NLRP2: variants seen among roughly 807,000 people sequenced by gnomAD.
The protein encoded by NLRP2 is NACHT, LRR and PYD domains-containing protein 2.
A neutral mutation model predicts 97.2 loss-of-function variants in NLRP2; 107 were observed. The ratio of observed to expected loss-of-function variants is 1.10; its 90% CI spans 0.94 to 1.29. The LOEUF (loss-of-function observed/expected upper bound fraction) is 1.29. Among genes scored for constraint, NLRP2 ranks in the 50% most tolerant of loss-of-function variants. The pLI is 0.00. For missense variants in NLRP2, 1,495 were observed against 1,330.3 expected (o/e 1.12, Z -1.93); for synonymous variants, 663 against 551.5 (o/e 1.20, Z -2.83).
At chr19:54,987,228 C>G (rs2146480167) in intron 8 of NLRP2, among the ~76,000 whole-genome samples, 1 of 149,728 alleles carries the variant, frequency 6.7e-6, no homozygotes, top group Middle Eastern at 3.4e-3. Context: ...AGATCATTCA[C>G]TCATGGTTCA....
In NLRP2 at chr19:54,982,319, C is replaced by G. The variant is rs139279089; in HGVS notation, c.621C>G (p.Tyr207Ter). ...NPRVLPGPFS[Y>*]TVVLYGPAGL... Reference sequence around the variant, plus strand: ...GGGTGCTTCCCGGGCCCTTCTCATACACGGTGGTGCTGTATGGTCCTGCAG... The same window carrying G: ...GGGTGCTTCCCGGGCCCTTCTCATAGACGGTGGTGCTGTATGGTCCTGCAG... The change falls in exon 6 of 13, where the codon TAC becomes TAG. Residue 207 changes from tyrosine (Y) to a stop codon, truncating the protein, a stop_gained. Coordinates refer to ENST00000448584, the MANE Select transcript of NLRP2 (RefSeq NM_017852.5). LOFTEE classifies it high-confidence loss of function. 6 of 1,614,026 alleles carry G rather than the reference C, an allele frequency of 3.7e-6. No individual in the cohort carries two copies. The African/African-American group carries it at 8.0e-5, about 22-fold the overall frequency.
chr19:54,969,978 C>T, intron 1 of NLRP2, 21 bp from the exon 2 acceptor site: 2 of 1,611,496 alleles, frequency 1.2e-6, no homozygotes, highest in Non-Finnish European at 1.7e-6. Context: ...CTCTCCACTC[C>T]TCCCTTGATT....
intron 1 of NLRP2, among the ~76,000 whole-genome samples, chr19:54,969,544 A>G (rs1232008013): frequency 1.3e-5 from 2 of 152,054 alleles, no homozygotes; most frequent in African/African-American, 4.8e-5. Flanking sequence ...AATCCCAGCT[A>G]GTCGGGAGGC....
intron 9 of NLRP2, 44 bp from the exon 10 acceptor site, chr19:54,990,458 A>AG (rs2072394841): frequency 1.2e-6 from 2 of 1,602,250 alleles, no homozygotes; most frequent in African/African-American, 2.7e-5. Context: ...GGAAGGTTGA[A>AG]GTTGGACCTG....
At position 54,977,812 on chromosome 19, in the gene NLRP2, C is replaced by T; in HGVS notation, c.386C>T (p.Thr129Ile). The T allele has an allele frequency of 6.2e-7, 1 of 1,613,746 alleles. No homozygotes were observed. ...GACGAAATGCTGGAGCGCTTCAAAA[C>T]AGAAGCACAAGGTGGGTGTCAGGAC... is the stretch of plus-strand genomic sequence containing the variant. Reference protein sequence around the residue: ...DVDEMLERFKTEAQAFTETKG... With the variant: ...DVDEMLERFKIEAQAFTETKG... Residue 129 changes from threonine to isoleucine, a missense_variant, in exon 4 of 13, where the codon ACA becomes ATA. Physicochemically the swap from Thr to Ile is moderately conservative, Grantham distance 89 (BLOSUM62 -1). Coordinates refer to ENST00000448584, the MANE Select transcript of NLRP2 (RefSeq NM_017852.5).
At chr19:54,993,680 A>C (rs2072633174) in intron 10 of NLRP2, 1 of 164,712 alleles carries the variant, frequency 6.1e-6, no homozygotes, top group African/African-American at 2.4e-5. Flanking sequence ...CCCTGTCTCT[A>C]CTAAAAATAC....
rs1304191836 is a variant in NLRP2 at position 54,973,976 on chromosome 19, C to T, written c.281-524C>T. ...TGGTGGGCAGACTAAGCCGATTTTC[C>T]GGAAAAAGGCTAAAACTACAAAGAA... On this transcript the variant is annotated intron_variant, in intron 2 of 12. Transcript: ENST00000448584. The T allele has an allele frequency of 3.2e-5, 38 of 1,176,632 alleles. 1 individual carries two copies. Among genetic ancestry groups the T allele is most frequent in the South Asian group, 2.8e-4 (23 of 82,824 alleles). The allele number at this position is 1,176,632 out of a possible 1,614,324, so 72.9% of individuals were successfully genotyped here.
intron 1 of NLRP2, among the ~76,000 whole-genome samples, chr19:54,967,671 A>C (rs960521930): frequency 1.3e-5 from 2 of 152,016 alleles, no homozygotes; most frequent in Non-Finnish European, 2.9e-5. Flanking sequence ...GGAACAGGTC[A>C]GATGCTGTGG....
chr19:54,987,128 ACCCCCCCACCC>A (rs1257954431), intron 8 of NLRP2, among the ~76,000 whole-genome samples: 3 of 138,656 alleles, frequency 2.2e-5, no homozygotes, highest in African/African-American at 2.7e-5. Context: ...CAGGTGATCT[ACCCCCCCACCC>A]CCACCCCACC....
chr19:54,972,614 ATTC>A, intron 2 of NLRP2, among the ~76,000 whole-genome samples: 1 of 150,678 alleles, frequency 6.6e-6, no homozygotes, highest in East Asian at 2.0e-4. Flanking sequence ...CACCTCGCTC[ATTC>A]TTGTATATAT....
At position 54,980,743 on chromosome 19, in the gene NLRP2, CAG is replaced by C. The variant is rs59569456; in HGVS notation, c.398-873_398-872del. Among the ~76,000 whole-genome samples, 758 of 152,258 alleles carry C rather than the reference CAG, an allele frequency of 5.0e-3. 18 individuals are homozygous for C. In the South Asian group the frequency reaches 0.065, roughly 13 times the overall value. On this transcript the variant is annotated intron_variant, in intron 4 of 12. Transcript: ENST00000448584. ...ATAAACTGAGGCGTTTCATGGCAAA[CAG>C]GGAGTTTGTGAGCTCTGTGTGTGAT...
chr19:54,993,254 G>A (rs979427478), intron 10 of NLRP2: 2 of 146,114 alleles, frequency 1.4e-5, no homozygotes, highest in African/African-American at 2.5e-5. Flanking sequence ...CATTCATAAA[G>A]TTTCAAGATT....
At chr19:54,993,968 C>T in intron 10 of NLRP2, 1 of 493,936 alleles carries the variant, frequency 2.0e-6, no homozygotes, top group East Asian at 3.7e-5. Flanking sequence ...CTTTGACTCT[C>T]AGCTCCCTCT....
intron 11 of NLRP2, among the ~76,000 whole-genome samples, chr19:54,996,054 CAAAA>C (rs1013592892): frequency 1.6e-4 from 18 of 115,944 alleles, no homozygotes; most frequent in Non-Finnish European, 9.0e-5. Flanking sequence ...AAAAAAAAAA[CAAAA>C]AAAACAAAGG....
chr19:54,999,790 G>A (rs2073077800), intron 12 of NLRP2, among the ~76,000 whole-genome samples: 1 of 151,998 alleles, frequency 6.6e-6, no homozygotes, highest in African/African-American at 2.4e-5. Flanking sequence ...AGGCTGGAGT[G>A]CAGGGGCCCG....
chr19:54,970,181 G>A lies in NLRP2; in HGVS notation c.166G>A (p.Val56Ile). The A allele has an allele frequency of 1.2e-6, 2 of 1,614,110 alleles. No homozygotes were observed. Among genetic ancestry groups the A allele is most frequent in the Non-Finnish European group, 1.7e-6 (2 of 1,180,040 alleles). ...AGACAAGGCTGATGGGAAGCAACTGGTAGAAATCCTCACCACCCATTGTGA... is the reference window on the plus strand; with the variant it reads ...AGACAAGGCTGATGGGAAGCAACTGATAGAAATCCTCACCACCCATTGTGA... Reference protein sequence around the residue: ...EVDKADGKQLVEILTTHCDSY... With the variant: ...EVDKADGKQLIEILTTHCDSY... The change falls in exon 2 of 13, where the codon GTA becomes ATA. Residue 56 changes from valine (V) to isoleucine (I), a missense_variant. Coordinates refer to ENST00000448584, the MANE Select transcript of NLRP2 (RefSeq NM_017852.5).
Position 54,977,756 on chromosome 19 carries a change from A to G in NLRP2, c.330A>G (p.Ile110Met). ...AATGCCGCCCTTTTTCTCCAGGGAT[A>G]ACACGGAAAGAACGACCACCTCTAG... ...FNKRKPLSLGITRKERPPLDV... is the reference protein window; with the variant it reads ...FNKRKPLSLGMTRKERPPLDV... The change falls in exon 4 of 13, where the codon ATA becomes ATG. Residue 110 changes from isoleucine to methionine, a missense_variant. Transcript: ENST00000448584. 1 of 1,613,838 alleles carries G rather than the reference A, an allele frequency of 6.2e-7. No homozygotes were observed. Among genetic ancestry groups the G allele is most frequent in the Non-Finnish European group, 8.5e-7 (1 of 1,180,010 alleles).
At chr19:54,976,978 G>A (rs1250602548) in intron 3 of NLRP2, 8 of 347,686 alleles carry the variant, frequency 2.3e-5, no homozygotes, top group Admixed American at 4.0e-5. Context: ...CACCATGCCC[G>A]GCTAATTTTT....
intron 3 of NLRP2, among the ~76,000 whole-genome samples, chr19:54,976,444 T>G (rs1250810387): frequency 6.6e-6 from 1 of 152,012 alleles, no homozygotes; most frequent in African/African-American, 2.4e-5. Flanking sequence ...CCTCCCAGGT[T>G]CAAGTGATTC....
Sources: allele counts gnomAD v4.1 joint callset (sites outside exome capture counted in the v4.1 genomes callset), GRCh38; gene constraint gnomAD v4.1.1; transcripts MANE v1.5; gene names NCBI Gene and HGNC (gene_info 2026-07-23, HGNC 2026-07-21).